The following ZFPM2 variants were observed in gnomAD, a reference collection of about 807,000 sequenced individuals.
The protein encoded by ZFPM2 is zinc finger protein, FOG family member 2.
A neutral mutation model predicts 98.6 loss-of-function variants in ZFPM2; 20 were observed. That is an observed-to-expected ratio of 0.20 (90% CI 0.14 to 0.29). ZFPM2 has a LOEUF of 0.29. ZFPM2 is among the 10% of genes least tolerant of loss of function. The pLI is 1.00. For missense variants in ZFPM2, 1,310 were observed against 1,388.6 expected (o/e 0.94, Z 0.90); for synonymous variants, 518 against 502.7 (o/e 1.03, Z -0.41).
chr8:105,533,295 A>C (rs1688296062), intron 3 of ZFPM2, among the ~76,000 whole-genome samples: 1 of 152,106 alleles, frequency 6.6e-6, no homozygotes, highest in Admixed American at 6.6e-5. Context: ...ATGTTTATAG[A>C]TTTTGATGAA....
At chr8:105,359,165 G>C (rs1812805677) in intron 1 of ZFPM2, among the ~76,000 whole-genome samples, 2 of 151,938 alleles carry the variant, frequency 1.3e-5, no homozygotes, top group South Asian at 2.1e-4. Flanking sequence ...CTGATGGTTT[G>C]ATAGATGGTA....
chr8:105,595,482 T>G (rs1422141019), intron 4 of ZFPM2, among the ~76,000 whole-genome samples: 1 of 152,084 alleles, frequency 6.6e-6, no homozygotes, highest in Non-Finnish European at 1.5e-5. Flanking sequence ...ACAGAAGGCT[T>G]CCAGAAGGTG....
intron 1 of ZFPM2, among the ~76,000 whole-genome samples, chr8:105,331,911 C>T (rs1234741916): frequency 2.6e-5 from 4 of 151,830 alleles, no homozygotes; most frequent in Non-Finnish European, 5.9e-5. Context: ...CTTCACCTCT[C>T]TTCCAGTGGA....
At chr8:105,628,134 C>T (rs2130829008) in intron 4 of ZFPM2, among the ~76,000 whole-genome samples, 1 of 152,090 alleles carries the variant, frequency 6.6e-6, no homozygotes, top group East Asian at 1.9e-4. Context: ...AAAAATTAGC[C>T]CCACCGTGCT....
At chr8:105,429,733 C>T (rs1268629568) in intron 2 of ZFPM2, among the ~76,000 whole-genome samples, 1 of 149,338 alleles carries the variant, frequency 6.7e-6, no homozygotes, top group Non-Finnish European at 1.5e-5. Context: ...GGGAAAGTAG[C>T]TTATATGCTA....
intron 5 of ZFPM2, among the ~76,000 whole-genome samples, chr8:105,655,167 T>A (rs1332637900): frequency 6.6e-6 from 1 of 151,918 alleles, no homozygotes; most frequent in Non-Finnish European, 1.5e-5. Context: ...GTTAATTGCA[T>A]GTTTATTTCA....
At chr8:105,590,587 C>T (rs971935549) in intron 4 of ZFPM2, among the ~76,000 whole-genome samples, 18 of 152,070 alleles carry the variant, frequency 1.2e-4, no homozygotes, top group Admixed American at 2.0e-4. Context: ...TTATTTAATT[C>T]GAAGAAGAGA....
chr8:105,425,463 A>G (rs2130113588), intron 2 of ZFPM2, among the ~76,000 whole-genome samples: 1 of 152,308 alleles, frequency 6.6e-6, no homozygotes, highest in Admixed American at 6.5e-5. Context: ...TGAGGATGAT[A>G]TGAGTCACTT....
chr8:105,494,933 CTT>C (rs1813430678), intron 3 of ZFPM2, among the ~76,000 whole-genome samples: 1 of 152,150 alleles, frequency 6.6e-6, no homozygotes, highest in South Asian at 2.1e-4. Context: ...AAATTCAAAA[CTT>C]TATTTGTGGA....
intron 3 of ZFPM2, among the ~76,000 whole-genome samples, chr8:105,490,225 A>T (rs6996289): frequency 2.0e-5 from 3 of 152,126 alleles, no homozygotes; most frequent in African/African-American, 4.8e-5. Flanking sequence ...CCAGCATGGG[A>T]GACAGAGGGA....
intron 5 of ZFPM2, among the ~76,000 whole-genome samples, chr8:105,681,631 G>T (rs1398447420): frequency 6.6e-6 from 1 of 152,098 alleles, no homozygotes; most frequent in Non-Finnish European, 1.5e-5. Context: ...CTACCTTGTG[G>T]TGTTGTAGAG....
intron 3 of ZFPM2, among the ~76,000 whole-genome samples, chr8:105,463,427 T>A (rs1812739723): frequency 6.6e-6 from 1 of 151,870 alleles, no homozygotes; most frequent in Non-Finnish European, 1.5e-5. Context: ...TATATAACTT[T>A]TGTGTTACAT....
At chr8:105,534,470 C>T (rs145336753) in intron 3 of ZFPM2, among the ~76,000 whole-genome samples, 1,539 of 150,590 alleles carry the variant, frequency 0.01, 25 homozygotes, top group African/African-American at 0.035. Context: ...TTCCTCCCTT[C>T]CTTTCTTCCT....
At chr8:105,649,749 T>C (rs374192916) in intron 5 of ZFPM2, among the ~76,000 whole-genome samples, 36 of 152,284 alleles carry the variant, frequency 2.4e-4, no homozygotes, top group East Asian at 1.7e-3. Context: ...TCATGGTGGA[T>C]AAGCTTTTTG....
At chr8:105,569,808 A>G (rs1422064663) in intron 4 of ZFPM2, among the ~76,000 whole-genome samples, 1 of 152,016 alleles carries the variant, frequency 6.6e-6, no homozygotes, top group Non-Finnish European at 1.5e-5. Flanking sequence ...CCAGTGACAA[A>G]CCATCTGGGA....
chr8:105,741,971 G>C (rs574060917), intron 5 of ZFPM2, among the ~76,000 whole-genome samples: 5 of 152,044 alleles, frequency 3.3e-5, no homozygotes, highest in Non-Finnish European at 7.4e-5. Flanking sequence ...CAGGGAAGTA[G>C]GGATATGCGG....
At chr8:105,671,637 TTAAA>T (rs1817597302) in intron 5 of ZFPM2, among the ~76,000 whole-genome samples, 1 of 152,122 alleles carries the variant, frequency 6.6e-6, no homozygotes. Flanking sequence ...CATTTGGACA[TTAAA>T]TAAATAGGTG....
chr8:105,329,112 C>A (rs1262621910), intron 1 of ZFPM2, among the ~76,000 whole-genome samples: 1 of 151,846 alleles, frequency 6.6e-6, no homozygotes, highest in African/African-American at 2.4e-5. Context: ...ATGAGCACAA[C>A]AGAGAAACGA....
At chr8:105,750,496 AATTAG>A (rs1812451365) in intron 5 of ZFPM2, among the ~76,000 whole-genome samples, 1 of 152,058 alleles carries the variant, frequency 6.6e-6, no homozygotes, top group South Asian at 2.1e-4. Flanking sequence ...AGGAAAATGA[AATTAG>A]ATTAGTATAA....
Sources: allele counts gnomAD v4.1 joint callset (sites outside exome capture counted in the v4.1 genomes callset), GRCh38; gene constraint gnomAD v4.1.1; transcripts MANE v1.5; gene names NCBI Gene and HGNC (gene_info 2026-07-23, HGNC 2026-07-21).